The following PRKCE variants were observed in gnomAD, a reference collection of about 807,000 sequenced individuals.
The protein encoded by PRKCE is protein kinase C epsilon.
Under a neutral mutation model 85.4 loss-of-function variants are expected in PRKCE, and 16 were observed. That is an observed-to-expected ratio of 0.19 (90% CI 0.13 to 0.28). The LOEUF (loss-of-function observed/expected upper bound fraction) is 0.28, where lower values mean the gene tolerates loss of function less well. Ranked by LOEUF, PRKCE falls within the 10% of genes least tolerant of loss-of-function variation. The pLI is 1.00. For missense variants in PRKCE, 573 were observed against 975.2 expected (o/e 0.59, Z 5.49); for synonymous variants, 388 against 371.5 (o/e 1.04, Z -0.51).
rs1424718009 is a variant in PRKCE at position 45,850,205 on chromosome 2, C to T, written c.412+7142C>T. ...CAACTAGAGCCTCCTTCCCCTCTGC[C>T]ATTACAGGAGCGTAGATATATATTT... is the stretch of plus-strand genomic sequence containing the variant. On this transcript the variant is annotated intron_variant, in intron 2 of 14. Transcript: ENST00000306156. Among the ~76,000 whole-genome samples, 147 of 152,186 alleles carry T rather than the reference C, an allele frequency of 9.7e-4. 3 individuals carry two copies. The highest frequency in any genetic ancestry group is 2.1e-4 in the Non-Finnish European group (14 of 68,042).
chr2:45,812,702 G>A (rs1382114202), intron 1 of PRKCE, among the ~76,000 whole-genome samples: 3 of 152,214 alleles, frequency 2.0e-5, no homozygotes, highest in Non-Finnish European at 4.4e-5. Flanking sequence ...ATCTACTTTA[G>A]TAGGTTAGGA....
At chr2:46,119,956 C>T (rs1673153548) in intron 11 of PRKCE, among the ~76,000 whole-genome samples, 1 of 152,098 alleles carries the variant, frequency 6.6e-6, no homozygotes, top group South Asian at 2.1e-4. Context: ...TTGGCGGGTA[C>T]CCTGGGAGTT....
intron 2 of PRKCE, among the ~76,000 whole-genome samples, chr2:45,890,582 T>C (rs910331281): frequency 2.6e-5 from 4 of 152,266 alleles, no homozygotes; most frequent in Admixed American, 6.5e-5. Context: ...ATTTTCACCA[T>C]GGTGGCCAGG....
At chr2:45,859,047 A>G (rs1430157842) in intron 2 of PRKCE, among the ~76,000 whole-genome samples, 1 of 52,008 alleles carries the variant, frequency 1.9e-5, no homozygotes, top group East Asian at 4.0e-4. Flanking sequence ...TCTCTAAATA[A>G]ATAAATAAAT....
At chr2:45,922,653 C>T (rs187559218) in intron 2 of PRKCE, among the ~76,000 whole-genome samples, 259 of 152,268 alleles carry the variant, frequency 1.7e-3, no homozygotes, top group African/African-American at 5.9e-3. Context: ...CCTGGGGTGC[C>T]GTCAGCTCAA....
chr2:46,085,497 C>T (rs1669508422), intron 10 of PRKCE, among the ~76,000 whole-genome samples: 1 of 152,076 alleles, frequency 6.6e-6, no homozygotes, highest in African/African-American at 2.4e-5. Flanking sequence ...GGCTGTTCTC[C>T]CTCCAGAGGT....
intron 14 of PRKCE, among the ~76,000 whole-genome samples, chr2:46,162,549 C>T (rs1039658097): frequency 3.3e-5 from 5 of 152,002 alleles, no homozygotes; most frequent in South Asian, 2.1e-4. Flanking sequence ...TGGAGGGGGG[C>T]GGGGTCAGGG....
intron 2 of PRKCE, among the ~76,000 whole-genome samples, chr2:45,848,179 C>A (rs1407469922): frequency 6.6e-6 from 1 of 152,188 alleles, no homozygotes; most frequent in African/African-American, 2.4e-5. Context: ...CAGATTCAAG[C>A]CCCACTGGAG....
intron 1 of PRKCE, among the ~76,000 whole-genome samples, chr2:45,709,818 TTTTG>T (rs1679454666): frequency 6.6e-6 from 1 of 152,204 alleles, no homozygotes; most frequent in Non-Finnish European, 1.5e-5. Flanking sequence ...GTATCTTTTT[TTTTG>T]TTTGTTTGAG....
intron 11 of PRKCE, among the ~76,000 whole-genome samples, chr2:46,143,072 C>G (rs1242287727): frequency 6.6e-6 from 1 of 152,138 alleles, no homozygotes; most frequent in East Asian, 1.9e-4. Context: ...ATCCACCAAG[C>G]CTTCACCACC....
At chr2:45,851,924 G>A (rs1054686685) in intron 2 of PRKCE, 1 of 152,302 alleles carries the variant, frequency 6.6e-6, no homozygotes, top group African/African-American at 2.4e-5. Context: ...AGAGGCAGGT[G>A]GGCCAGGTGG....
At chr2:46,007,850 T>A (rs1282534656) in intron 9 of PRKCE, among the ~76,000 whole-genome samples, 189 bp downstream of exon 9, 1 of 152,232 alleles carries the variant, frequency 6.6e-6, no homozygotes, top group African/African-American at 2.4e-5. Context: ...ATTGGCTATA[T>A]GAGACTTTCA....
At chr2:46,021,836 G>T (rs985193879) in intron 10 of PRKCE, among the ~76,000 whole-genome samples, 2 of 152,048 alleles carry the variant, frequency 1.3e-5, no homozygotes, top group African/African-American at 4.8e-5. Context: ...TTACCTTTTT[G>T]TGTGTGTGTG....
chr2:45,732,743 A>G (rs993249520), intron 1 of PRKCE, among the ~76,000 whole-genome samples: 1 of 152,092 alleles, frequency 6.6e-6, no homozygotes, highest in Non-Finnish European at 1.5e-5. Flanking sequence ...CTATTTGTTT[A>G]TCTGTCTCTT....
At chr2:45,728,779 G>A (rs1558604051) in intron 1 of PRKCE, among the ~76,000 whole-genome samples, 1 of 152,164 alleles carries the variant, frequency 6.6e-6, no homozygotes, top group Non-Finnish European at 1.5e-5. Context: ...TGCTTTTCAT[G>A]CATCATGTCA....
intron 1 of PRKCE, among the ~76,000 whole-genome samples, chr2:45,773,353 G>C (rs1296203497): frequency 6.6e-6 from 1 of 152,186 alleles, no homozygotes; most frequent in Non-Finnish European, 1.5e-5. Context: ...CCGAAGTAGT[G>C]ACAGACACTA....
At chr2:45,749,956 G>T (rs369810147) in intron 1 of PRKCE, among the ~76,000 whole-genome samples, 3 of 152,118 alleles carry the variant, frequency 2.0e-5, no homozygotes, top group African/African-American at 7.2e-5. Context: ...AGGCCTTTTG[G>T]GGGGAGAACA....
intron 11 of PRKCE, among the ~76,000 whole-genome samples, chr2:46,092,871 G>C (rs1211372822): frequency 6.6e-6 from 1 of 152,198 alleles, no homozygotes; most frequent in Non-Finnish European, 1.5e-5. Context: ...TTGCTGACAT[G>C]AATGAAGGTC....
intron 10 of PRKCE, among the ~76,000 whole-genome samples, chr2:46,023,657 C>A (rs752819023): frequency 1.3e-5 from 2 of 152,182 alleles, no homozygotes; most frequent in Non-Finnish European, 2.9e-5. Context: ...CCTTTGTCTC[C>A]TTCCTGTCAC....
Sources: allele counts gnomAD v4.1 joint callset (sites outside exome capture counted in the v4.1 genomes callset), GRCh38; gene constraint gnomAD v4.1.1; transcripts MANE v1.5; gene names NCBI Gene and HGNC (gene_info 2026-07-23, HGNC 2026-07-21).